The following NPAS3 variants were observed in gnomAD, a reference collection of about 807,000 sequenced individuals.
The protein encoded by NPAS3 is neuronal PAS domain-containing protein 3.
Under a neutral mutation model 73.1 loss-of-function variants are expected in NPAS3, and 14 were observed. The observed-to-expected ratio is 0.19, with a 90% CI of 0.13 to 0.30. NPAS3 has a LOEUF of 0.30. NPAS3 is among the 10% of genes least tolerant of loss of function. The pLI is 1.00. For missense variants in NPAS3, 1,096 were observed against 1,250.0 expected (o/e 0.88, Z 1.86); for synonymous variants, 620 against 541.5 (o/e 1.14, Z -2.01).
chr14:33,657,213 T>TAACAAGC (rs1392047836), intron 5 of NPAS3, among the ~76,000 whole-genome samples: 1 of 152,208 alleles, frequency 6.6e-6, no homozygotes, highest in Non-Finnish European at 1.5e-5. Context: ...TGTGAGACTG[T>TAACAAGC]AACAAGCCCC....
intron 7 of NPAS3, among the ~76,000 whole-genome samples, chr14:33,738,092 T>C (rs1003374373): frequency 6.6e-6 from 1 of 152,212 alleles, no homozygotes; most frequent in African/African-American, 2.4e-5. Flanking sequence ...CTGTGCCACA[T>C]GCTTCACAGT....
chr14:32,939,981 G>T (rs910133473), intron 1 of NPAS3, among the ~76,000 whole-genome samples: 14 of 152,224 alleles, frequency 9.2e-5, no homozygotes, highest in Non-Finnish European at 1.5e-4. Flanking sequence ...CTGCCTCCCG[G>T]GCTGCGCCCT....
chr14:32,939,510 CG>C, intron 1 of NPAS3, 144 bp downstream of exon 1: 1 of 184,536 alleles, frequency 5.4e-6, no homozygotes, highest in Non-Finnish European at 1.2e-5. Flanking sequence ...AGCGCTCGCC[CG>C]GGGCCCCGCG....
chr14:33,301,653 A>T (rs559182097), intron 3 of NPAS3, among the ~76,000 whole-genome samples: 1 of 152,148 alleles, frequency 6.6e-6, no homozygotes, highest in Non-Finnish European at 1.5e-5. Context: ...CTTTTGTAGC[A>T]TTACTAAAAT....
Position 33,349,465 on chromosome 14 carries a change from A to G in NPAS3, c.386-17721A>G, listed in dbSNP as rs192450843. On this transcript the variant is annotated intron_variant, in intron 3 of 11. Coordinates refer to ENST00000356141, the Ensembl canonical transcript of NPAS3. ...TAACTAGCTGATGGACCAATCCTCA[A>G]ACAACCATGATTGTTATTAACCACT... Among the ~76,000 whole-genome samples the G allele has an allele frequency of 6.4e-4, 98 of 152,356 alleles. 1 individual carries two copies. Among genetic ancestry groups the G allele is most frequent in the Non-Finnish European group, 1.6e-4 (11 of 68,042 alleles).
At chr14:33,355,520 G>A (rs761620943) in intron 3 of NPAS3, among the ~76,000 whole-genome samples, 3 of 152,064 alleles carry the variant, frequency 2.0e-5, no homozygotes, top group Non-Finnish European at 4.4e-5. Flanking sequence ...GGATGGTCTC[G>A]ACCCCTTGAC....
intron 4 of NPAS3, among the ~76,000 whole-genome samples, chr14:33,520,916 C>G (rs1372831865): frequency 6.6e-6 from 1 of 152,130 alleles, no homozygotes; most frequent in Non-Finnish European, 1.5e-5. Flanking sequence ...CTTGACAAAA[C>G]AAGCAATGAT....
intron 1 of NPAS3, among the ~76,000 whole-genome samples, chr14:32,945,304 T>C (rs2036206055): frequency 3.3e-5 from 5 of 152,218 alleles, no homozygotes; most frequent in African/African-American, 7.2e-5. Flanking sequence ...GAAATTGTAG[T>C]AAATTTTATA....
intron 2 of NPAS3, among the ~76,000 whole-genome samples, chr14:33,184,369 G>T (rs1288471788): frequency 2.6e-5 from 4 of 152,166 alleles, no homozygotes; most frequent in African/African-American, 9.7e-5. Flanking sequence ...GGTGTGCCTG[G>T]AGTATCAGTT....
chr14:33,012,051 T>C (rs1034711767), intron 1 of NPAS3, among the ~76,000 whole-genome samples: 1 of 149,054 alleles, frequency 6.7e-6, no homozygotes, highest in African/African-American at 2.5e-5. Context: ...GAAGTGGTGC[T>C]GCTCAGGTTG....
At chr14:33,205,989 C>T (rs2046807594) in intron 2 of NPAS3, among the ~76,000 whole-genome samples, 1 of 152,088 alleles carries the variant, frequency 6.6e-6, no homozygotes, top group Non-Finnish European at 1.5e-5. Flanking sequence ...GGACTTATAG[C>T]AATTAACAGC....
intron 1 of NPAS3, among the ~76,000 whole-genome samples, chr14:32,986,998 C>G (rs188319297): frequency 2.6e-5 from 4 of 152,134 alleles, no homozygotes; most frequent in African/African-American, 4.8e-5. Flanking sequence ...AGGGCTTTGC[C>G]GGGAAGAGAG....
chr14:33,641,570 C>G lies in NPAS3; in HGVS notation c.559-34641C>G, dbSNP rs543527324. 2.3e-4 allele frequency among the ~76,000 whole-genome samples: 35 copies of G among 152,258 alleles called. 1 individual carries two copies. The highest frequency in any genetic ancestry group is 6.8e-3 in the Middle Eastern group (2 of 294). ...ACTGTGTCTGAGGTTATTAACTTCA[C>G]AAGGAGAGTCTATGTCTAACTCATT... On this transcript the variant is annotated intron_variant, in intron 5 of 11. Transcript: ENST00000356141.
chr14:32,986,822 T>C (rs1031531720), intron 1 of NPAS3, among the ~76,000 whole-genome samples: 3 of 152,022 alleles, frequency 2.0e-5, no homozygotes, highest in Non-Finnish European at 4.4e-5. Flanking sequence ...TTTTACTTTA[T>C]TTTTTTTAAG....
At chr14:33,106,688 C>A (rs1279331) in intron 2 of NPAS3, among the ~76,000 whole-genome samples, 4 of 151,762 alleles carry the variant, frequency 2.6e-5, no homozygotes, top group African/African-American at 9.7e-5. Flanking sequence ...AAAAGATCAC[C>A]TTATTTCCAG....
chr14:33,766,352 A>G (rs1215903378), intron 7 of NPAS3, among the ~76,000 whole-genome samples: 1 of 152,246 alleles, frequency 6.6e-6, no homozygotes, highest in East Asian at 1.9e-4. Context: ...GCATCAAACT[A>G]TATGCTCCAA....
chr14:33,172,861 A>G (rs2045448483), intron 2 of NPAS3, among the ~76,000 whole-genome samples: 1 of 152,190 alleles, frequency 6.6e-6, no homozygotes, highest in African/African-American at 2.4e-5. Context: ...CCACTTGCCT[A>G]ATAGGTCTTG....
At chr14:33,620,550 C>T (rs74243531) in intron 5 of NPAS3, among the ~76,000 whole-genome samples, 4,993 of 152,132 alleles carry the variant, frequency 0.033, 182 homozygotes, top group East Asian at 0.15. Context: ...AGAGACTGAT[C>T]TCAAAGAAAT....
chr14:33,156,302 A>T (rs987277975), intron 2 of NPAS3, among the ~76,000 whole-genome samples: 1 of 152,216 alleles, frequency 6.6e-6, no homozygotes, highest in African/African-American at 2.4e-5. Flanking sequence ...AATTTGTCAC[A>T]GTGGCCTTGT....
Sources: gnomAD v4.1 joint callset for allele counts (sites outside exome capture counted in the v4.1 genomes callset) on GRCh38, gnomAD v4.1.1 for gene constraint, MANE v1.5 for transcripts, NCBI Gene and HGNC (gene_info 2026-07-23, HGNC 2026-07-21) for gene names.